The following ZMPSTE24 variants were observed in gnomAD, a reference collection of about 807,000 sequenced individuals.
ZMPSTE24 encodes zinc metallopeptidase STE24.
Under a neutral mutation model 56.7 loss-of-function variants are expected in ZMPSTE24, and 48 were observed. The observed-to-expected ratio is 0.85, with a 90% CI of 0.67 to 1.08. The LOEUF is 1.08. Among genes scored for constraint, ZMPSTE24 ranks in the 50% least tolerant of loss-of-function variants. ZMPSTE24 has a pLI of 0.00. For missense variants in ZMPSTE24, 503 were observed against 548.7 expected (o/e 0.92, Z 0.83); for synonymous variants, 172 against 195.2 (o/e 0.88, Z 0.99).
chr1:40,279,400 A>C (rs1643704690), intron 6 of ZMPSTE24, among the ~76,000 whole-genome samples: 1 of 152,190 alleles, frequency 6.6e-6, no homozygotes, highest in Non-Finnish European at 1.5e-5. Flanking sequence ...ACTAGGCTCA[A>C]ACACATCTTT....
intron 6 of ZMPSTE24, among the ~76,000 whole-genome samples, chr1:40,277,755 G>A (rs1218956156): frequency 1.4e-4 from 21 of 151,962 alleles, no homozygotes; most frequent in Non-Finnish European, 1.9e-4. Context: ...GATCACCTGA[G>A]GTCAGGAGTT....
chr1:40,280,073 G>A (rs764023410), intron 6 of ZMPSTE24, among the ~76,000 whole-genome samples: 48 of 151,872 alleles, frequency 3.2e-4, no homozygotes, highest in Non-Finnish European at 4.6e-4. Flanking sequence ...TTTTATTTTC[G>A]CTTAGCTCAT....
chr1:40,273,434 C>A (rs1326483192), intron 6 of ZMPSTE24, among the ~76,000 whole-genome samples: 1 of 145,884 alleles, frequency 6.9e-6, no homozygotes. Flanking sequence ...AGGAGAATCG[C>A]TTGAACCTGG....
At chr1:40,285,770 CA>C (rs1194623651) in intron 7 of ZMPSTE24, among the ~76,000 whole-genome samples, 154 bp from the exon 8 acceptor site, 4 of 152,026 alleles carry the variant, frequency 2.6e-5, no homozygotes, top group Non-Finnish European at 5.9e-5. Context: ...TCATGTGGAG[CA>C]GTGGTTCAGG....
intron 7 of ZMPSTE24, among the ~76,000 whole-genome samples, chr1:40,284,901 C>T (rs1643769326): frequency 6.8e-6 from 1 of 147,214 alleles, no homozygotes; most frequent in African/African-American, 2.5e-5. Flanking sequence ...TTCACCTAAT[C>T]ATTTTCCAAT....
At chr1:40,286,254 A>G (rs1569660242) in intron 8 of ZMPSTE24, among the ~76,000 whole-genome samples, 1 of 152,296 alleles carries the variant, frequency 6.6e-6, no homozygotes, top group East Asian at 1.9e-4. Flanking sequence ...CTGGTTAAGA[A>G]TTAAGTGAGT....
intron 3 of ZMPSTE24, 25 bp downstream of exon 3, chr1:40,267,897 T>A: frequency 6.3e-7 from 1 of 1,589,400 alleles, no homozygotes; most frequent in Admixed American, 1.7e-5. Context: ...AGCATGTATT[T>A]GTCATGGTAT....
chr1:40,272,576 T>A (rs1202307843), intron 6 of ZMPSTE24, among the ~76,000 whole-genome samples: 1 of 152,206 alleles, frequency 6.6e-6, no homozygotes, highest in East Asian at 1.9e-4. Context: ...ATACTCTGCT[T>A]TTTTGATGAT....
intron 2 of ZMPSTE24, 133 bp from the exon 3 acceptor site, chr1:40,267,653 A>C (rs1643564812): frequency 3.0e-6 from 2 of 660,424 alleles, no homozygotes; most frequent in Admixed American, 2.5e-5. Context: ...TACAGGCATG[A>C]GCCACCGTAC....
At chr1:40,272,165 C>CCCT in intron 6 of ZMPSTE24, 130 bp downstream of exon 6, 1 of 1,070,406 alleles carries the variant, frequency 9.3e-7, no homozygotes, top group Admixed American at 3.2e-5. Flanking sequence ...TATTTAAAGG[C>CCCT]TAGGAGTTTA....
intron 6 of ZMPSTE24, among the ~76,000 whole-genome samples, chr1:40,277,162 T>G (rs763867957): frequency 2.0e-5 from 3 of 151,076 alleles, no homozygotes; most frequent in Non-Finnish European, 4.4e-5. Flanking sequence ...CTTGGCTCAC[T>G]TCAAGCTCCG....
At chr1:40,286,914 T>C (rs1643792815) in intron 8 of ZMPSTE24, among the ~76,000 whole-genome samples, 1 of 151,268 alleles carries the variant, frequency 6.6e-6, no homozygotes, top group African/African-American at 2.4e-5. Context: ...GTATTTTTAG[T>C]AGAGACGGGG....
At chr1:40,291,032 C>T (rs1319721870) in intron 9 of ZMPSTE24, 35 bp downstream of exon 9, 3 of 1,609,508 alleles carry the variant, frequency 1.9e-6, no homozygotes, top group East Asian at 4.5e-5. Context: ...CACACATATG[C>T]TCTTGCCTGC....
At chr1:40,261,972 G>T (rs1643502484) in intron 2 of ZMPSTE24, among the ~76,000 whole-genome samples, 1 of 152,158 alleles carries the variant, frequency 6.6e-6, no homozygotes, top group Non-Finnish European at 1.5e-5. Context: ...GCCTCCCAAA[G>T]TACTGGGATT....
At position 40,293,609 on chromosome 1, in the gene ZMPSTE24, T is replaced by C. The variant is rs1643863516; in HGVS notation, c.*940T>C. ...CTGTGACATTACAGGGAAAAAAATA[T>C]AGTTTTCTATCTCTTTCAAGGGCAG... On this transcript the variant is annotated 3_prime_UTR_variant, in exon 10 of 10. Transcript: ENST00000372759. 1 of 152,200 alleles carries C rather than the reference T, an allele frequency of 6.6e-6. No homozygotes were observed. The highest frequency in any genetic ancestry group is 6.5e-5 in the Admixed American group (1 of 15,280). The allele number at this position is 152,200 out of a possible 1,614,324, so 9.4% of individuals were successfully genotyped here. A position where few individuals can be genotyped will look rare whatever the true frequency, so the allele number is the denominator to read the frequency against.
intron 1 of ZMPSTE24, chr1:40,259,533 G>C (rs1643473959): frequency 1.3e-5 from 2 of 152,214 alleles, no homozygotes; most frequent in African/African-American, 4.8e-5. Flanking sequence ...AGGATTACAG[G>C]CACGTGCCAC....
chr1:40,279,920 T>G (rs902128814), intron 6 of ZMPSTE24, among the ~76,000 whole-genome samples: 12 of 152,160 alleles, frequency 7.9e-5, no homozygotes, highest in African/African-American at 2.7e-4. Context: ...CTTTGGAGCT[T>G]CTTCTGTGTC....
At chr1:40,267,320 AT>A (rs1343075738) in intron 2 of ZMPSTE24, among the ~76,000 whole-genome samples, 3 of 148,534 alleles carry the variant, frequency 2.0e-5, no homozygotes, top group Non-Finnish European at 3.0e-5. Context: ...TTTTAAAAAA[AT>A]ATTTTATTTT....
chr1:40,267,332 GTTATTTTATTTTATT>G (rs71060361), intron 2 of ZMPSTE24, among the ~76,000 whole-genome samples: 97 of 137,498 alleles, frequency 7.1e-4, no homozygotes, highest in East Asian at 2.0e-3. Flanking sequence ...ATTTTATTTT[GTTATTTTATTTTATT>G]TTATTTTATT....
Sources: gnomAD v4.1 joint callset for allele counts (sites outside exome capture counted in the v4.1 genomes callset) on GRCh38, gnomAD v4.1.1 for gene constraint, MANE v1.5 for transcripts, NCBI Gene and HGNC (gene_info 2026-07-23, HGNC 2026-07-21) for gene names.